PTPN7: variants seen among roughly 807,000 people sequenced by gnomAD.
The protein encoded by PTPN7 is tyrosine-protein phosphatase non-receptor type 7.
In PTPN7, 33 loss-of-function variants were observed where a neutral mutation model predicts 50.3. That is an observed-to-expected ratio of 0.66 (90% CI 0.50 to 0.88). PTPN7 has a LOEUF of 0.88. Ranked by LOEUF, PTPN7 falls within the 40% of genes least tolerant of loss-of-function variation. PTPN7 has a pLI of 0.00. For missense variants in PTPN7, 412 were observed against 475.4 expected (o/e 0.87, Z 1.24); for synonymous variants, 185 against 186.6 (o/e 0.99, Z 0.07).
rs761922867 is a variant in PTPN7 at position 202,159,463 on chromosome 1, CAG to C, written c.-52-11_-52-10del. ...TCAGCCATGAGGTCTGCCTGAAAGA[CAG>C]GGCCCTCCGCTGCTGTTCTCTGGCC... On this transcript the variant is annotated splice_polypyrimidine_tract_variant and intron_variant, in intron 1 of 9. Transcript: ENST00000691036. The surrounding 1 kb of genome is among the most constrained non-coding windows in gnomAD (Gnocchi z 4.6). 3.1e-6 allele frequency: 5 copies of C among 1,608,920 alleles called. No homozygotes were observed. The highest frequency in any genetic ancestry group is 4.3e-6 in the Non-Finnish European group (5 of 1,176,022).
intron 9 of PTPN7, among the ~76,000 whole-genome samples, chr1:202,149,311 T>C (rs899306626): frequency 1.1e-4 from 17 of 152,210 alleles, no homozygotes; most frequent in African/African-American, 3.4e-4. Flanking sequence ...AAACCAGATC[T>C]CTGAAGCCTT....
rs1657042723 is a variant in PTPN7, at chr1:202,159,216, A to G, written c.122+65T>C. On this transcript the variant is annotated intron_variant, in intron 2 of 9. Transcript: ENST00000691036. The surrounding 1 kb of genome is among the most constrained non-coding windows in gnomAD (Gnocchi z 4.6). ...CTGTCAGAGCTGGAGGGGCAGATGGAAGGAAGGGAGGAGCGGAATGGGGGC... is the reference window on the plus strand; with the variant it reads ...CTGTCAGAGCTGGAGGGGCAGATGGGAGGAAGGGAGGAGCGGAATGGGGGC... 1 of 1,518,178 alleles carries G rather than the reference A, an allele frequency of 6.6e-7. No individual in the cohort carries two copies. Among genetic ancestry groups the G allele is most frequent in the South Asian group, 1.2e-5 (1 of 85,656 alleles). 94.0% of individuals were successfully genotyped at this position (1,518,178 alleles called of 1,614,324 possible).
chr1:202,156,004 C>T (rs565749331), intron 4 of PTPN7, among the ~76,000 whole-genome samples: 9 of 152,320 alleles, frequency 5.9e-5, no homozygotes, highest in African/African-American at 1.9e-4. Context: ...GAATTTCTGA[C>T]TTCAAGCAAT....
upstream of PTPN7, chr1:202,161,560 T>A (rs1225017254): frequency 2.3e-6 from 3 of 1,286,310 alleles, no homozygotes; most frequent in Non-Finnish European, 2.0e-6. Flanking sequence ...AGCCGGTTCA[T>A]GCTCGCTGCA....
intron 4 of PTPN7, among the ~76,000 whole-genome samples, chr1:202,156,013 A>G (rs1656617100): frequency 6.6e-6 from 1 of 152,160 alleles, no homozygotes; most frequent in Non-Finnish European, 1.5e-5. Context: ...ACTTCAAGCA[A>G]TTCTCCCACC....
chr1:202,158,841 C>T (rs1430968696), intron 2 of PTPN7: 1 of 161,618 alleles, frequency 6.2e-6, no homozygotes, highest in African/African-American at 2.5e-5. Flanking sequence ...CTAGGCCGGT[C>T]TCTAATTCCT....
At chr1:202,158,934 C>A in intron 2 of PTPN7, 1 of 264,664 alleles carries the variant, frequency 3.8e-6, no homozygotes, top group Non-Finnish European at 7.4e-6. Context: ...CAGCCCTCTC[C>A]CTTTGTCAGC....
In PTPN7 at chr1:202,159,383, C is replaced by T; in HGVS notation, c.20G>A (p.Gly7Glu). 1.2e-6 allele frequency: 2 copies of T among 1,614,210 alleles called. No homozygotes were observed. Among genetic ancestry groups the T allele is most frequent in the Middle Eastern group, 1.7e-4 (1 of 6,060 alleles). MVQAHGGRSRAQPLTLS... is the reference protein window; with the variant it reads MVQAHGERSRAQPLTLS... The stretch of plus-strand genomic sequence containing the variant: ...GGTCAACGGCTGTGCTCTGGAGCGC[C>T]CCCCATGGGCTTGGACCATGCTGAG... Residue 7 changes from glycine (G) to glutamate (E), a missense_variant, in exon 2 of 10, where the codon GGG (glycine) becomes GAG (glutamate). Transcript: ENST00000691036. The surrounding 1 kb of genome is among the most constrained non-coding windows in gnomAD (Gnocchi z 4.6).
chr1:202,159,659 G>C lies in PTPN7; in HGVS notation c.-52-205C>G. On this transcript the variant is annotated intron_variant, in intron 1 of 9. Coordinates refer to ENST00000691036, the MANE Select transcript of PTPN7 (RefSeq NM_002832.4). The surrounding 1 kb of genome is among the most constrained non-coding windows in gnomAD (Gnocchi z 4.6). ...CAGTCTCGGGGTAGAGTAACGGCAA[G>C]ATAAAGGGTAGAGATTGTGGATGAA... 8.3e-6 allele frequency: 12 copies of C among 1,439,318 alleles called. No homozygotes were observed. Among genetic ancestry groups the C allele is most frequent in the Non-Finnish European group, 1.1e-5 (12 of 1,099,320 alleles). 89.2% of individuals were successfully genotyped at this position (1,439,318 alleles called of 1,614,324 possible).
intron 6 of PTPN7, 67 bp from the exon 7 acceptor site, chr1:202,153,902 G>T: frequency 7.6e-7 from 1 of 1,312,896 alleles, no homozygotes; most frequent in Non-Finnish European, 1.1e-6. Context: ...AGCAGAGAGG[G>T]GCTGGTATCT....
At chr1:202,161,118 T>C (rs1167777015), upstream of PTPN7, 2 of 1,267,012 alleles carry the variant, frequency 1.6e-6, no homozygotes, top group Non-Finnish European at 1.0e-6. Flanking sequence ...CCAGAGCAGA[T>C]GTGGCACAGA....
chr1:202,161,138 G>A, upstream of PTPN7: 1 of 1,215,540 alleles, frequency 8.2e-7, no homozygotes, highest in Non-Finnish European at 1.0e-6. Flanking sequence ...ACTCGGGGTG[G>A]GGAAAAAGAA....
Position 202,152,668 on chromosome 1 carries a change from A to G in PTPN7, c.749T>C (p.Ile250Thr). Residue 250 changes from isoleucine to threonine, a missense_variant, in exon 8 of 10, where the codon ATC becomes ACC. Transcript: ENST00000691036. ...ATGGTCTGGCCAGGCCGAAAAGAGG[A>G]TGTGCTTTACTGACCGGCGCTCTTC... ...YQEERRSVKH[I>T]LFSAWPDHQT... 1.9e-6 allele frequency: 3 copies of G among 1,613,956 alleles called. No individual in the cohort carries two copies. The highest frequency in any genetic ancestry group is 2.5e-6 in the Non-Finnish European group (3 of 1,179,984).
At chr1:202,157,896 C>T in intron 3 of PTPN7, 73 bp from the exon 4 acceptor site, 2 of 1,491,130 alleles carry the variant, frequency 1.3e-6, no homozygotes, top group Non-Finnish European at 9.3e-7. Flanking sequence ...TTTTCTAGAA[C>T]AGCTGGACTC....
intron 4 of PTPN7, 41 bp downstream of exon 4, chr1:202,157,698 G>A: frequency 6.4e-7 from 1 of 1,561,578 alleles, no homozygotes; most frequent in Non-Finnish European, 8.8e-7. Context: ...CTAGCCCCAG[G>A]GACTGTACCC....
chr1:202,150,150 T>C, intron 9 of PTPN7, 161 bp downstream of exon 9: 2 of 613,430 alleles, frequency 3.3e-6, no homozygotes, highest in South Asian at 4.0e-5. Context: ...TAGATATTTT[T>C]TCCTGGTTGT....
rs1047345648 is a variant in PTPN7 at position 202,159,069 on chromosome 1, T to C, written c.122+212A>G. On this transcript the variant is annotated intron_variant, in intron 2 of 9. Transcript: ENST00000691036. The surrounding 1 kb of genome is among the most constrained non-coding windows in gnomAD (Gnocchi z 4.6). ...AAGGCTGTGGGCCTTGCCTGGAATT[T>C]AGGGAGCAGGCTCATGGTTGATATG... 5.2e-6 allele frequency: 3 copies of C among 580,188 alleles called. No homozygotes were observed. The African/African-American group carries it at 5.6e-5, about 11-fold the overall frequency. 35.9% of individuals were successfully genotyped at this position (580,188 alleles called of 1,614,324 possible).
At chr1:202,153,267 T>G (rs578173039) in intron 7 of PTPN7, among the ~76,000 whole-genome samples, 8 of 152,218 alleles carry the variant, frequency 5.3e-5, no homozygotes, top group Non-Finnish European at 7.4e-5. Flanking sequence ...GTTCAAGTGA[T>G]TCTCCTGTCT....
Position 202,159,199 on chromosome 1 carries a change from G to A in PTPN7, c.122+82C>T. The A allele has an allele frequency of 7.1e-7, 1 of 1,411,014 alleles. No individual in the cohort carries two copies. The allele number at this position is 1,411,014 out of a possible 1,614,324, so 87.4% of individuals were successfully genotyped here. On this transcript the variant is annotated intron_variant, in intron 2 of 9. Coordinates refer to ENST00000691036, the MANE Select transcript of PTPN7 (RefSeq NM_002832.4). This position sits in a 1 kb window ranked among gnomAD's most constrained non-coding sequence, Gnocchi z 4.6. ...GGGCCCTCTGGACCCTGCTGTCAGA[G>A]CTGGAGGGGCAGATGGAAGGAAGGG...
Sources: allele counts gnomAD v4.1 joint callset (sites outside exome capture counted in the v4.1 genomes callset), GRCh38; gene constraint gnomAD v4.1.1; non-coding constraint Gnocchi (gnomAD v3.1); transcripts MANE v1.5; gene names NCBI Gene and HGNC (gene_info 2026-07-23, HGNC 2026-07-21).